STXBP6: variants seen among roughly 807,000 people sequenced by gnomAD.
STXBP6 encodes the protein syntaxin-binding protein 6.
STXBP6 carries 21 observed loss-of-function variants against 26.9 expected under a neutral mutation model. The observed-to-expected ratio is 0.78, with a 90% confidence interval of 0.55 to 1.12. The LOEUF (loss-of-function observed/expected upper bound fraction) is 1.12. Among genes scored for constraint, STXBP6 ranks in the 50% most tolerant of loss-of-function variants. The pLI, the probability that STXBP6 is intolerant of heterozygous loss-of-function variation, is 0.00. For missense variants in STXBP6, 232 were observed against 257.9 expected (o/e 0.90, Z 0.69); for synonymous variants, 97 against 92.6 (o/e 1.05, Z -0.27).
rs114705547 is a variant in STXBP6, at chr14:25,028,453, T to C, written c.-33+21425A>G. Among the ~76,000 whole-genome samples, 1,459 of 152,278 alleles carry C rather than the reference T, an allele frequency of 9.6e-3. 19 individuals are homozygous for C. Among genetic ancestry groups the C allele is most frequent in the African/African-American group, 0.032 (1,323 of 41,552 alleles). ...CAAAGCCTAGATGACACCACATCTGTTCACAGTATGGCTTACTGAATATTT... is the reference window on the plus strand; with the variant it reads ...CAAAGCCTAGATGACACCACATCTGCTCACAGTATGGCTTACTGAATATTT... On this transcript the variant is annotated intron_variant, in intron 1 of 5. Transcript: ENST00000323944.
At chr14:24,960,675 G>C (rs1369038430) in intron 2 of STXBP6, among the ~76,000 whole-genome samples, 1 of 152,150 alleles carries the variant, frequency 6.6e-6, no homozygotes. Flanking sequence ...AAGTGGAATA[G>C]GTCTGCACAT....
chr14:24,869,543 G>T (rs1306190116), intron 2 of STXBP6, among the ~76,000 whole-genome samples: 1 of 152,276 alleles, frequency 6.6e-6, no homozygotes, highest in African/African-American at 2.4e-5. Context: ...TACAACACCC[G>T]ACTCTCTGGT....
At chr14:25,012,632 AC>A (rs1331573222) in intron 1 of STXBP6, among the ~76,000 whole-genome samples, 7 of 152,308 alleles carry the variant, frequency 4.6e-5, no homozygotes, top group Admixed American at 6.5e-5. Context: ...AAACAAAAAA[AC>A]ATACATTCCA....
chr14:24,858,098 T>C (rs940824275), intron 2 of STXBP6, among the ~76,000 whole-genome samples: 14 of 152,156 alleles, frequency 9.2e-5, no homozygotes, highest in African/African-American at 3.4e-4. Context: ...CTGAAGACTA[T>C]GCATCTGTGG....
At chr14:24,823,430 C>T (rs1050932718) in intron 4 of STXBP6, among the ~76,000 whole-genome samples, 1 of 152,104 alleles carries the variant, frequency 6.6e-6, no homozygotes, top group Non-Finnish European at 1.5e-5. Flanking sequence ...CATTTGATCA[C>T]CCTACACATC....
rs532371446 is a variant in STXBP6 at position 24,892,410 on chromosome 14, A to G, written c.155-35253T>C. The stretch of plus-strand genomic sequence containing the variant: ...AGCTATTCTGCTTTAGAAATTTCAG[A>G]GGTTGCCAGAGGACTTGGTAAATGA... On this transcript the variant is annotated intron_variant, in intron 2 of 5. Coordinates refer to ENST00000323944, the MANE Select transcript of STXBP6 (RefSeq NM_001394410.1). 4.6e-5 allele frequency among the ~76,000 whole-genome samples: 7 copies of G among 152,248 alleles called. No homozygotes were observed. In the South Asian group the frequency reaches 1.5e-3, roughly 32 times the overall value.
chr14:25,014,267 G>A (rs2075098433), intron 1 of STXBP6, among the ~76,000 whole-genome samples: 1 of 151,538 alleles, frequency 6.6e-6, no homozygotes, highest in Non-Finnish European at 1.5e-5. Flanking sequence ...GGCCGAGGCA[G>A]GTGGATCACT....
At chr14:25,023,567 G>A (rs2075297007) in intron 1 of STXBP6, among the ~76,000 whole-genome samples, 1 of 152,076 alleles carries the variant, frequency 6.6e-6, no homozygotes, top group Non-Finnish European at 1.5e-5. Flanking sequence ...CCAACAGTAT[G>A]GAAGGCTGAG....
intron 1 of STXBP6, among the ~76,000 whole-genome samples, chr14:25,028,226 T>C (rs2140454220): frequency 6.6e-6 from 1 of 152,282 alleles, no homozygotes; most frequent in East Asian, 1.9e-4. Context: ...TGGAAGAAAA[T>C]GCCATTTAGG....
intron 1 of STXBP6, among the ~76,000 whole-genome samples, chr14:24,990,130 AGAG>A (rs1419448799): frequency 2.6e-5 from 4 of 152,178 alleles, no homozygotes; most frequent in Admixed American, 2.0e-4. Flanking sequence ...TTACATTGGA[AGAG>A]GAGATCTTTA....
At chr14:24,978,270 C>G (rs2074101352) in intron 1 of STXBP6, among the ~76,000 whole-genome samples, 1 of 152,194 alleles carries the variant, frequency 6.6e-6, no homozygotes, top group African/African-American at 2.4e-5. Flanking sequence ...TTAAACAACT[C>G]TAACTGGTTC....
At chr14:24,905,143 G>A (rs2071344141) in intron 2 of STXBP6, among the ~76,000 whole-genome samples, 1 of 152,184 alleles carries the variant, frequency 6.6e-6, no homozygotes, top group Non-Finnish European at 1.5e-5. Flanking sequence ...GACCAGAAGA[G>A]GGACAGGATA....
At chr14:24,845,015 C>CTT (rs377626533) in intron 4 of STXBP6, among the ~76,000 whole-genome samples, 25 of 141,950 alleles carry the variant, frequency 1.8e-4, no homozygotes, top group South Asian at 4.6e-4. Context: ...TCATCAAAAG[C>CTT]TTTTTTTTTT....
chr14:25,023,613 A>AT (rs2075297366), intron 1 of STXBP6, among the ~76,000 whole-genome samples: 1 of 152,214 alleles, frequency 6.6e-6, no homozygotes, highest in African/African-American at 2.4e-5. Flanking sequence ...GTTTGAGACT[A>AT]GCCTGGGCAA....
At chr14:24,947,474 G>A (rs141386170) in intron 2 of STXBP6, among the ~76,000 whole-genome samples, 38 of 152,296 alleles carry the variant, frequency 2.5e-4, no homozygotes, top group African/African-American at 8.7e-4. Flanking sequence ...AGAATGACGC[G>A]CAAAGACCAA....
intron 2 of STXBP6, among the ~76,000 whole-genome samples, chr14:24,885,239 T>C (rs2070533181): frequency 6.6e-6 from 1 of 152,206 alleles, no homozygotes; most frequent in Non-Finnish European, 1.5e-5. Context: ...CCACACCTGA[T>C]ACGTTGGAAT....
At chr14:24,835,906 T>C (rs1187973394) in intron 4 of STXBP6, among the ~76,000 whole-genome samples, 1 of 152,214 alleles carries the variant, frequency 6.6e-6, no homozygotes, top group African/African-American at 2.4e-5. Flanking sequence ...TAAAAATGTA[T>C]CTATGGGTAA....
At chr14:25,027,426 G>C (rs1243027400) in intron 1 of STXBP6, among the ~76,000 whole-genome samples, 10 of 152,152 alleles carry the variant, frequency 6.6e-5, no homozygotes, top group Non-Finnish European at 1.2e-4. Flanking sequence ...AAAAATGACA[G>C]TGAACTTAAT....
intron 1 of STXBP6, among the ~76,000 whole-genome samples, chr14:25,045,309 G>GA (rs751643720): frequency 1.7e-4 from 25 of 150,778 alleles, no homozygotes; most frequent in Admixed American, 6.6e-4. Flanking sequence ...TCTACAAGAG[G>GA]AAAAAAAAAT....
Sources: allele counts gnomAD v4.1 joint callset (sites outside exome capture counted in the v4.1 genomes callset), GRCh38; gene constraint gnomAD v4.1.1; transcripts MANE v1.5; gene names NCBI Gene and HGNC (gene_info 2026-07-23, HGNC 2026-07-21).